MYCBP2: variants seen among roughly 807,000 people sequenced by gnomAD.
The protein encoded by MYCBP2 is E3 ubiquitin-protein ligase MYCBP2.
A neutral mutation model predicts 525.3 loss-of-function variants in MYCBP2; 120 were observed. The observed-to-expected ratio is 0.23, with a 90% CI of 0.20 to 0.27. The LOEUF is 0.27. Among genes scored for constraint, MYCBP2 ranks in the 10% least tolerant of loss-of-function variants. The pLI, the probability that MYCBP2 is intolerant of heterozygous loss-of-function variation, is 1.00. For missense variants in MYCBP2, 4,149 were observed against 5,657.1 expected (o/e 0.73, Z 8.55); for synonymous variants, 1,894 against 1,955.8 (o/e 0.97, Z 0.83).
intron 26 of MYCBP2, among the ~76,000 whole-genome samples, chr13:77,199,216 T>C (rs375197836): frequency 6.6e-6 from 1 of 152,218 alleles, no homozygotes; most frequent in Non-Finnish European, 1.5e-5. Context: ...GGGCGAGGCA[T>C]TGCCTCACTC....
intron 55 of MYCBP2, chr13:77,100,020 G>A (rs1339831089): frequency 6.6e-6 from 1 of 152,048 alleles, no homozygotes; most frequent in Admixed American, 6.6e-5. Context: ...CTTAGTGCAA[G>A]TGATACCAGT....
At chr13:77,161,083 G>C (rs1339877084) in intron 44 of MYCBP2, among the ~76,000 whole-genome samples, 1 of 152,138 alleles carries the variant, frequency 6.6e-6, no homozygotes, top group Non-Finnish European at 1.5e-5. Flanking sequence ...GATGTTCTCA[G>C]TGTGTGGTAT....
intron 30 of MYCBP2, among the ~76,000 whole-genome samples, chr13:77,187,913 A>T (rs2060889448): frequency 6.6e-6 from 1 of 151,950 alleles, no homozygotes; most frequent in African/African-American, 2.4e-5. Flanking sequence ...TCTACTAAAA[A>T]TACAAAAATT....
chr13:77,312,821 A>G (rs2080430593), intron 1 of MYCBP2, among the ~76,000 whole-genome samples: 1 of 151,420 alleles, frequency 6.6e-6, no homozygotes, highest in South Asian at 2.1e-4. Flanking sequence ...TTGACAGTGG[A>G]TTTCTTTTTT....
chr13:77,207,781 C>T (rs941326363), intron 23 of MYCBP2, among the ~76,000 whole-genome samples: 1 of 152,094 alleles, frequency 6.6e-6, no homozygotes, highest in East Asian at 1.9e-4. Flanking sequence ...TCTCTGGTTG[C>T]TTTTAAGATT....
intron 15 of MYCBP2, among the ~76,000 whole-genome samples, chr13:77,248,957 A>T (rs910621764): frequency 3.3e-5 from 5 of 152,238 alleles, no homozygotes; most frequent in African/African-American, 1.2e-4. Context: ...GTTCCGACAT[A>T]TGTGACAACC....
chr13:77,196,026 C>T (rs1355580911), intron 26 of MYCBP2, among the ~76,000 whole-genome samples: 3 of 152,106 alleles, frequency 2.0e-5, no homozygotes, highest in Non-Finnish European at 4.4e-5. Flanking sequence ...GAATTGGGGG[C>T]TATTGGGAGT....
At chr13:77,284,304 G>A (rs752070758) in intron 3 of MYCBP2, among the ~76,000 whole-genome samples, 49 of 151,884 alleles carry the variant, frequency 3.2e-4, no homozygotes, top group Non-Finnish European at 4.7e-4. Context: ...CACACACTTA[G>A]GAGGAGCAAC....
At chr13:77,146,731 T>G (rs749496310) in intron 47 of MYCBP2, among the ~76,000 whole-genome samples, 1 of 152,088 alleles carries the variant, frequency 6.6e-6, no homozygotes, top group Non-Finnish European at 1.5e-5. Context: ...AAAACTAAAA[T>G]AAATCACATC....
intron 44 of MYCBP2, 52 bp from the exon 45 acceptor site, chr13:77,158,161 AC>A: frequency 7.9e-7 from 1 of 1,267,112 alleles, no homozygotes; most frequent in Non-Finnish European, 1.0e-6. Context: ...AACTTTAATT[AC>A]ATAAAATTTT....
intron 18 of MYCBP2, among the ~76,000 whole-genome samples, chr13:77,228,109 A>G (rs1424365842): frequency 6.6e-6 from 1 of 152,100 alleles, no homozygotes; most frequent in Non-Finnish European, 1.5e-5. Context: ...TATAATTCCT[A>G]TAACTCAGAC....
At chr13:77,221,315 C>T (rs1037289452) in intron 20 of MYCBP2, among the ~76,000 whole-genome samples, 1 of 152,130 alleles carries the variant, frequency 6.6e-6, no homozygotes, top group African/African-American at 2.4e-5. Flanking sequence ...ACTTGGGAAT[C>T]GAAGAATGGT....
intron 17 of MYCBP2, among the ~76,000 whole-genome samples, chr13:77,239,527 G>A (rs1242973578): frequency 2.0e-5 from 3 of 152,126 alleles, no homozygotes; most frequent in Non-Finnish European, 2.9e-5. Flanking sequence ...TTAGGCCCAG[G>A]TGATTCTGAT....
chr13:77,106,314 G>C (rs1000922003), intron 55 of MYCBP2, among the ~76,000 whole-genome samples: 6 of 152,080 alleles, frequency 3.9e-5, no homozygotes, highest in African/African-American at 1.4e-4. Flanking sequence ...ATTAAATTCA[G>C]TTTGGTGTTC....
rs745857540 is a variant in MYCBP2 at position 77,146,181 on chromosome 13, C to T, written c.7168G>A (p.Ala2390Thr). The T allele has an allele frequency of 1.9e-6, 3 of 1,595,556 alleles. No homozygotes were observed. The highest frequency in any genetic ancestry group is 1.2e-5 in the South Asian group (1 of 86,860). Residue 2390 changes from alanine (A) to threonine (T), a missense_variant, in exon 48 of 83, where the codon GCA (alanine) becomes ACA (threonine). Physicochemically the swap from Ala to Thr is moderately conservative, Grantham distance 58. Transcript: ENST00000544440. ...ENYSFEELRFASPTPKRPSEN... is the reference protein window; with the variant it reads ...ENYSFEELRFTSPTPKRPSEN... The stretch of plus-strand genomic sequence containing the variant: ...CCTTACCTCTTAGGAGTTGGTGATG[C>T]AAAACGTAGTTCTTCAAATGAATAA...
chr13:77,158,195 T>C, intron 44 of MYCBP2, 86 bp from the exon 45 acceptor site: 1 of 839,820 alleles, frequency 1.2e-6, no homozygotes, highest in Non-Finnish European at 1.7e-6. Flanking sequence ...TACTTTCAGA[T>C]AGGCCTTTAC....
intron 36 of MYCBP2, among the ~76,000 whole-genome samples, chr13:77,174,904 T>TATATATA (rs1555383606): frequency 2.5e-3 from 7 of 2,758 alleles, no homozygotes; most frequent in Admixed American, 3.8e-3. Context: ...CCATACTATA[T>TATATATA]ATATATAATA....
intron 76 of MYCBP2, 126 bp downstream of exon 76, chr13:77,061,037 AATATAT>A: frequency 9.7e-7 from 1 of 1,031,378 alleles, no homozygotes; most frequent in Non-Finnish European, 1.3e-6. Flanking sequence ...ATATTTAGTA[AATATAT>A]AGATCAATGA....
chr13:77,323,833 AG>A (rs2081982256), intron 1 of MYCBP2, among the ~76,000 whole-genome samples: 1 of 152,156 alleles, frequency 6.6e-6, no homozygotes, highest in East Asian at 1.9e-4. Context: ...TATATTTACA[AG>A]TACTCACCTC....
Sources: gnomAD v4.1 joint callset for allele counts (sites outside exome capture counted in the v4.1 genomes callset) on GRCh38, gnomAD v4.1.1 for gene constraint, MANE v1.5 for transcripts, NCBI Gene and HGNC (gene_info 2026-07-23, HGNC 2026-07-21) for gene names.